Variants in DYNC2H1 observed in about 807,000 individuals in gnomAD.
DYNC2H1 encodes dynein cytoplasmic 2 heavy chain 1.
In DYNC2H1, 410 loss-of-function variants were observed where a neutral mutation model predicts 570.0. The observed-to-expected ratio is 0.72, with a 90% confidence interval of 0.66 to 0.78. The LOEUF is 0.78. Ranked by LOEUF, DYNC2H1 falls within the 30% of genes least tolerant of loss-of-function variation. The pLI is 0.00. For missense variants in DYNC2H1, 4,865 were observed against 5,046.4 expected (o/e 0.96, Z 1.09); for synonymous variants, 1,688 against 1,677.6 (o/e 1.01, Z -0.15).
At chr11:103,172,913 A>AG in intron 34 of DYNC2H1, among the ~76,000 whole-genome samples, 169 bp from the exon 35 acceptor site, 1 of 151,988 alleles carries the variant, frequency 6.6e-6, no homozygotes, top group Non-Finnish European at 1.5e-5. Context: ...AGTACATTGG[A>AG]GGTTACCTTT....
chr11:103,202,017 A>C (rs1230463224), intron 50 of DYNC2H1, among the ~76,000 whole-genome samples: 1 of 152,114 alleles, frequency 6.6e-6, no homozygotes, highest in African/African-American at 2.4e-5. Flanking sequence ...CTGAGGAGAA[A>C]TTTTCTTCAG....
chr11:103,136,453 C>T (rs1859558530), intron 17 of DYNC2H1, among the ~76,000 whole-genome samples: 1 of 150,958 alleles, frequency 6.6e-6, no homozygotes, highest in Admixed American at 6.6e-5. Flanking sequence ...TCAATTCCCA[C>T]CTATGAGTGA....
At chr11:103,359,315 CT>C (rs1565525813) in intron 83 of DYNC2H1, among the ~76,000 whole-genome samples, 1 of 152,062 alleles carries the variant, frequency 6.6e-6, no homozygotes, top group African/African-American at 2.4e-5. Flanking sequence ...TACTAAGCCA[CT>C]TTTTTTTAAA....
chr11:103,253,845 T>C (rs908298575), intron 66 of DYNC2H1, among the ~76,000 whole-genome samples: 8 of 151,224 alleles, frequency 5.3e-5, no homozygotes, highest in Admixed American at 2.6e-4. Context: ...TGAGCCAGCA[T>C]TTTTTTTTAA....
In DYNC2H1 at chr11:103,446,431, T is replaced by A. The variant is rs1944424871; in HGVS notation, c.12457-8755T>A. On this transcript the variant is annotated intron_variant, in intron 85 of 88. Coordinates refer to ENST00000375735, the MANE Select transcript of DYNC2H1 (RefSeq NM_001377.3). This position sits in a 1 kb window ranked among gnomAD's most constrained non-coding sequence, Gnocchi z 4.5. ...GGTCAGAATTATCAACTATGTCAAATGCTGTAAGTGAGGTTAGAGAAAAAT... is the reference window on the plus strand; with the variant it reads ...GGTCAGAATTATCAACTATGTCAAAAGCTGTAAGTGAGGTTAGAGAAAAAT... Among the ~76,000 whole-genome samples the A allele has an allele frequency of 3.9e-5, 6 of 152,264 alleles. 1 individual carries two copies. The South Asian group carries it at 1.2e-3, about 32-fold the overall frequency.
Position 103,461,773 on chromosome 11 carries a change from TAAAC to T in DYNC2H1, c.12648+5421_12648+5424del, listed in dbSNP as rs1244521412. Among the ~76,000 whole-genome samples the T allele has an allele frequency of 2.0e-5, 3 of 147,688 alleles. No homozygotes were observed. Among genetic ancestry groups the T allele is most frequent in the Non-Finnish European group, 3.0e-5 (2 of 66,788 alleles). ...TAATACTTTCTATTATTAAACATTT[TAAAC>T]AAATACAGAAGAGAGAGTAGTAAAA... On this transcript the variant is annotated intron_variant, in intron 87 of 88. Coordinates refer to ENST00000375735, the MANE Select transcript of DYNC2H1 (RefSeq NM_001377.3). The surrounding 1 kb of genome is among the most constrained non-coding windows in gnomAD (Gnocchi z 4.8).
At chr11:103,403,266 A>G (rs1942715473) in intron 84 of DYNC2H1, 1 of 152,048 alleles carries the variant, frequency 6.6e-6, no homozygotes, top group Admixed American at 6.6e-5. Flanking sequence ...ATTCATTTTA[A>G]TTCTCAAGAG....
At chr11:103,150,471 G>A (rs17301646) in intron 20 of DYNC2H1, among the ~76,000 whole-genome samples, 4,829 of 152,234 alleles carry the variant, frequency 0.032, 114 homozygotes, top group Non-Finnish European at 0.053. Context: ...TCTCTTAGGA[G>A]TTTGGCTTGA....
At chr11:103,419,260 C>T (rs892478857) in intron 84 of DYNC2H1, among the ~76,000 whole-genome samples, 1 of 152,200 alleles carries the variant, frequency 6.6e-6, no homozygotes, top group Non-Finnish European at 1.5e-5. Context: ...CCCCTCAATG[C>T]AGCACACTTG....
At chr11:103,377,468 C>T (rs898860807) in intron 83 of DYNC2H1, among the ~76,000 whole-genome samples, 3 of 151,882 alleles carry the variant, frequency 2.0e-5, no homozygotes, top group Non-Finnish European at 4.4e-5. Flanking sequence ...ATTAGACTAT[C>T]GTACATAATA....
chr11:103,448,948 C>T lies in DYNC2H1; in HGVS notation c.12457-6238C>T, dbSNP rs570459825. On this transcript the variant is annotated intron_variant, in intron 85 of 88. Transcript: ENST00000375735. ...TTTTTCCTTTGTTTCTTAATTCCTA[C>T]TAGTAGCATGTAGAGCTGTAGATAT... Among the ~76,000 whole-genome samples, 46 of 151,944 alleles carry T rather than the reference C, an allele frequency of 3.0e-4. No individual in the cohort carries two copies. The Middle Eastern group carries it at 0.01, about 34-fold the overall frequency.
chr11:103,306,308 T>A (rs1377189853), intron 77 of DYNC2H1, among the ~76,000 whole-genome samples: 3 of 152,264 alleles, frequency 2.0e-5, no homozygotes, highest in South Asian at 4.1e-4. Flanking sequence ...TACTAATCTA[T>A]GTAAAATGTA....
intron 31 of DYNC2H1, among the ~76,000 whole-genome samples, 193 bp from the exon 32 acceptor site, chr11:103,168,562 C>A (rs1208701708): frequency 1.3e-5 from 2 of 152,098 alleles, no homozygotes; most frequent in Non-Finnish European, 2.9e-5. Flanking sequence ...TTTTTATACT[C>A]AAAATTCTTA....
chr11:103,220,856 CT>C, intron 57 of DYNC2H1, 73 bp downstream of exon 57: 1 of 1,413,362 alleles, frequency 7.1e-7, no homozygotes, highest in Non-Finnish European at 9.5e-7. Context: ...TTAAATATTT[CT>C]TATATTGTTT....
Position 103,203,808 on chromosome 11 carries a change from A to C in DYNC2H1, c.8311+32A>C. 1 of 1,419,594 alleles carries C rather than the reference A, an allele frequency of 7.0e-7. No homozygotes were observed. Among genetic ancestry groups the C allele is most frequent in the Non-Finnish European group, 9.8e-7 (1 of 1,021,314 alleles). 87.9% of individuals were successfully genotyped at this position (1,419,594 alleles called of 1,614,324 possible). ...GACATAGAATTCATTAATCAAATCA[A>C]ACTGGTTTGTATGAAATATATATCA... On this transcript the variant is annotated intron_variant, in intron 51 of 88. Coordinates refer to ENST00000375735, the MANE Select transcript of DYNC2H1 (RefSeq NM_001377.3). The surrounding 1 kb of genome is among the most constrained non-coding windows in gnomAD (Gnocchi z 4.7).
intron 55 of DYNC2H1, among the ~76,000 whole-genome samples, chr11:103,218,682 C>T (rs188128346): frequency 8.5e-5 from 13 of 152,294 alleles, no homozygotes; most frequent in Admixed American, 5.2e-4. Flanking sequence ...TTTGTGTACT[C>T]TCTGGCTAGT....
chr11:103,359,960 C>T (rs1048399338), intron 83 of DYNC2H1, among the ~76,000 whole-genome samples: 1 of 151,968 alleles, frequency 6.6e-6, no homozygotes, highest in Non-Finnish European at 1.5e-5. Context: ...CCACCACGCC[C>T]AGCCCAAACC....
chr11:103,307,210 T>C (rs1591552325), intron 77 of DYNC2H1, among the ~76,000 whole-genome samples: 1 of 152,032 alleles, frequency 6.6e-6, no homozygotes, highest in East Asian at 1.9e-4. Context: ...AGTTTTGAAT[T>C]TATATTATAG....
intron 54 of DYNC2H1, among the ~76,000 whole-genome samples, chr11:103,212,494 CATA>C (rs2135124232): frequency 6.6e-6 from 1 of 152,054 alleles, no homozygotes; most frequent in Non-Finnish European, 1.5e-5. Flanking sequence ...TTAACTGAAA[CATA>C]ATATCCAAGA....
Sources: gnomAD v4.1 joint callset for allele counts (sites outside exome capture counted in the v4.1 genomes callset) on GRCh38, gnomAD v4.1.1 for gene constraint, Gnocchi (gnomAD v3.1) non-coding constraint, MANE v1.5 for transcripts, NCBI Gene and HGNC (gene_info 2026-07-23, HGNC 2026-07-21) for gene names.